Variants in ARIH1 observed in about 807,000 individuals in gnomAD.
The protein encoded by ARIH1 is ariadne RBR E3 ubiquitin protein ligase 1.
Under a neutral mutation model 85.0 loss-of-function variants are expected in ARIH1, and 8 were observed. The observed-to-expected ratio is 0.09, with a 90% CI of 0.06 to 0.17. The LOEUF is 0.17. Ranked by LOEUF, ARIH1 falls within the 10% of genes least tolerant of loss-of-function variation. The pLI is 1.00. For missense variants in ARIH1, 311 were observed against 718.1 expected, an observed-to-expected ratio of 0.43 and a Z score of 6.48; for synonymous variants, 238 against 253.6, an observed-to-expected ratio of 0.94 and a Z score of 0.59.
intron 1 of ARIH1, among the ~76,000 whole-genome samples, chr15:72,486,757 G>T (rs1567337031): frequency 8.2e-6 from 1 of 121,218 alleles, no homozygotes; most frequent in Non-Finnish European, 1.6e-5. Flanking sequence ...GCAGTGGCAT[G>T]ATCTTGGCTC....
rs185577684 is a variant in ARIH1, at chr15:72,506,209, G to A, written c.376-11858G>A. Among the ~76,000 whole-genome samples the A allele has an allele frequency of 1.8e-3, 276 of 151,972 alleles. 1 individual carries two copies. The highest frequency in any genetic ancestry group is 3.1e-3 in the Non-Finnish European group (211 of 67,908). ...TAAAAAATACAAAAATATTAGCCAG[G>A]CGTGGTGGTGGGCACCTGTAATCCC... is the stretch of plus-strand genomic sequence containing the variant. On this transcript the variant is annotated intron_variant, in intron 1 of 13. Coordinates refer to ENST00000379887, the MANE Select transcript of ARIH1 (RefSeq NM_005744.5).
intron 5 of ARIH1, among the ~76,000 whole-genome samples, chr15:72,560,002 T>C (rs758905639): frequency 5.9e-5 from 9 of 152,224 alleles, no homozygotes; most frequent in Non-Finnish European, 1.2e-4. Flanking sequence ...GTATATATAT[T>C]TCAAAGGAGA....
At position 72,600,319 on chromosome 15, in the gene ARIH1, T is replaced by C. The variant is rs1232109815; in HGVS notation, c.*17027T>C. On this transcript the variant is annotated 3_prime_UTR_variant, in exon 14 of 14. Coordinates refer to ENST00000379887, the MANE Select transcript of ARIH1 (RefSeq NM_005744.5). ...ATTTGAGGAGATTTGCTAAGGGAAA[T>C]GAAGATCCATCTGTGACACAAGAAA... 3 of 152,196 alleles carry C rather than the reference T, an allele frequency of 2.0e-5. No individual in the cohort carries two copies. The highest frequency in any genetic ancestry group is 2.9e-5 in the Non-Finnish European group (2 of 68,040). The allele number at this position is 152,196 out of a possible 1,614,324, so 9.4% of individuals were successfully genotyped here. A position where few individuals can be genotyped will look rare whatever the true frequency, so the allele number is the denominator to read the frequency against.
At position 72,583,930 on chromosome 15, in the gene ARIH1, T is replaced by C. The variant is rs1462461267; in HGVS notation, c.*638T>C. ...CAAAATTGTATATAGCGCATATGCA[T>C]GGACAAAGCAAGCGTGGCACGTGTT... On this transcript the variant is annotated 3_prime_UTR_variant, in exon 14 of 14. Transcript: ENST00000379887. 1 of 152,214 alleles carries C rather than the reference T, an allele frequency of 6.6e-6. No individual in the cohort carries two copies. The highest frequency in any genetic ancestry group is 1.5e-5 in the Non-Finnish European group (1 of 68,034). 9.4% of individuals were successfully genotyped at this position (152,214 alleles called of 1,614,324 possible).
At chr15:72,506,667 C>T (rs115127953) in intron 1 of ARIH1, among the ~76,000 whole-genome samples, 2,554 of 152,064 alleles carry the variant, frequency 0.017, 63 homozygotes, top group African/African-American at 0.058. Flanking sequence ...ATTTGAGGAG[C>T]TTGTAGATTT....
intron 6 of ARIH1, among the ~76,000 whole-genome samples, chr15:72,561,888 G>A (rs2064199020): frequency 6.6e-6 from 1 of 152,200 alleles, no homozygotes; most frequent in Non-Finnish European, 1.5e-5. Context: ...CAGGAGAATC[G>A]CTTGAACCCT....
At chr15:72,575,417 T>A (rs191658979) in intron 11 of ARIH1, among the ~76,000 whole-genome samples, 1 of 151,378 alleles carries the variant, frequency 6.6e-6, no homozygotes, top group East Asian at 2.0e-4. Context: ...CTACAAAAAA[T>A]TTATTAAAAA....
chr15:72,478,482 A>T (rs142956225), intron 1 of ARIH1, among the ~76,000 whole-genome samples: 2 of 152,220 alleles, frequency 1.3e-5, no homozygotes, highest in African/African-American at 4.8e-5. Flanking sequence ...ACCCTGTTCA[A>T]TTCTGCAGTT....
intron 2 of ARIH1, among the ~76,000 whole-genome samples, chr15:72,520,923 AGCCTTGACCTC>A (rs2063996816): frequency 6.6e-6 from 1 of 151,808 alleles, no homozygotes; most frequent in Admixed American, 6.6e-5. Flanking sequence ...GGCTCACTAT[AGCCTTGACCTC>A]CTGGACTCAA....
At chr15:72,519,711 C>T (rs950823156) in intron 2 of ARIH1, among the ~76,000 whole-genome samples, 13 of 151,716 alleles carry the variant, frequency 8.6e-5, no homozygotes. Context: ...CTCGAACTCC[C>T]AACCTCAGGT....
chr15:72,553,528 T>C lies in ARIH1; in HGVS notation c.589-1743T>C, dbSNP rs72735174. 8.2e-3 allele frequency among the ~76,000 whole-genome samples: 1,241 copies of C among 152,198 alleles called. 8 individuals are homozygous for C. Among genetic ancestry groups the C allele is most frequent in the Non-Finnish European group, 0.012 (823 of 68,000 alleles). ...CCCCCCAGGAGATAACTTTTTAAAT[T>C]CACCCCCTAATTCCTCCCAAGTCCC... On this transcript the variant is annotated intron_variant, in intron 3 of 13. Transcript: ENST00000379887.
intron 13 of ARIH1, 89 bp from the exon 14 acceptor site, chr15:72,583,119 T>G: frequency 2.0e-6 from 2 of 1,020,568 alleles, no homozygotes; most frequent in Non-Finnish European, 2.9e-6. Context: ...CTGGATAAAC[T>G]ATAGGGATGC....
rs1053376161 is a variant in ARIH1 at position 72,602,064 on chromosome 15, G to A, written c.*18772G>A. The A allele has an allele frequency of 1.3e-5, 2 of 151,996 alleles. No individual in the cohort carries two copies. The highest frequency in any genetic ancestry group is 4.8e-5 in the African/African-American group (2 of 41,382). The allele number at this position is 151,996 out of a possible 1,614,324, so 9.4% of individuals were successfully genotyped here. ...TCTTTTTCATGCGCCATATAATATGGACTTATAATTTATTTAACCTCTATC... is the reference window on the plus strand; with the variant it reads ...TCTTTTTCATGCGCCATATAATATGAACTTATAATTTATTTAACCTCTATC... On this transcript the variant is annotated 3_prime_UTR_variant, in exon 14 of 14. Coordinates refer to ENST00000379887, the MANE Select transcript of ARIH1 (RefSeq NM_005744.5).
chr15:72,558,563 A>C (rs937610829), intron 5 of ARIH1, among the ~76,000 whole-genome samples: 1 of 152,196 alleles, frequency 6.6e-6, no homozygotes. Flanking sequence ...TGGCCTTCCA[A>C]AGTGCTAGGA....
At chr15:72,481,621 G>A (rs1022974130) in intron 1 of ARIH1, among the ~76,000 whole-genome samples, 2 of 152,030 alleles carry the variant, frequency 1.3e-5, no homozygotes, top group East Asian at 3.9e-4. Flanking sequence ...GGGAATTGGA[G>A]GTTGCAGTGA....
At position 72,602,904 on chromosome 15, in the gene ARIH1, A is replaced by G. The variant is rs1300210430; in HGVS notation, c.*19612A>G. On this transcript the variant is annotated 3_prime_UTR_variant, in exon 14 of 14. Transcript: ENST00000379887. The stretch of plus-strand genomic sequence containing the variant: ...TGGATACTGTTTTCTGTACCTCACT[A>G]CGGATGTATTTTGCTGCTTGGCTCC... The G allele has an allele frequency of 2.0e-5, 3 of 152,106 alleles. No homozygotes were observed. The highest frequency in any genetic ancestry group is 7.2e-5 in the African/African-American group (3 of 41,410). The allele number at this position is 152,106 out of a possible 1,614,324, so 9.4% of individuals were successfully genotyped here. A position where few individuals can be genotyped will look rare whatever the true frequency, so the allele number is the denominator to read the frequency against.
intron 1 of ARIH1, among the ~76,000 whole-genome samples, chr15:72,501,646 T>C (rs1595854094): frequency 2.0e-5 from 3 of 152,338 alleles, no homozygotes; most frequent in Non-Finnish European, 4.4e-5. Flanking sequence ...CCACAGCAGA[T>C]ACGTGGAATG....
At position 72,474,876 on chromosome 15, in the gene ARIH1, C is replaced by T. The variant is rs766176145; in HGVS notation, c.237C>T (p.Gly79=). The T allele has an allele frequency of 7.9e-6, 10 of 1,273,880 alleles. No individual in the cohort carries two copies. The highest frequency in any genetic ancestry group is 5.9e-5 in the South Asian group (3 of 50,450). The allele number at this position is 1,273,880 out of a possible 1,614,324, so 78.9% of individuals were successfully genotyped here. A position where few individuals can be genotyped will look rare whatever the true frequency, so the allele number is the denominator to read the frequency against. Reference sequence around the variant, plus strand: ...GCAGCGCTCTGGGGCCCGGCGGTGGCGGCGGCGGCGGCGGCGGCGGTGGTG... The same window carrying T: ...GCAGCGCTCTGGGGCCCGGCGGTGGTGGCGGCGGCGGCGGCGGCGGTGGTG... ...GGGSALGPGG[G]GGGGGGGGGG... The change falls in exon 1 of 14, where the codon GGC becomes GGT. Residue 79 remains glycine, a synonymous_variant. Coordinates refer to ENST00000379887, the MANE Select transcript of ARIH1 (RefSeq NM_005744.5).
intron 11 of ARIH1, among the ~76,000 whole-genome samples, chr15:72,576,357 T>A (rs1455044106): frequency 1.3e-5 from 2 of 151,734 alleles, no homozygotes; most frequent in African/African-American, 4.8e-5. Flanking sequence ...TACAAAAAAA[T>A]TAGCTGGGCG....
Sources: allele counts gnomAD v4.1 joint callset (sites outside exome capture counted in the v4.1 genomes callset), GRCh38; gene constraint gnomAD v4.1.1; transcripts MANE v1.5; gene names NCBI Gene and HGNC (gene_info 2026-07-23, HGNC 2026-07-21).